The following ADAM9 variants were observed in gnomAD, a reference collection of about 807,000 sequenced individuals.
ADAM9 encodes the protein ADAM metallopeptidase domain 9, also known as disintegrin and metalloproteinase domain-containing protein 9.
Under a neutral mutation model 108.1 loss-of-function variants are expected in ADAM9, and 54 were observed. The observed-to-expected ratio is 0.50, with a 90% CI of 0.40 to 0.63. ADAM9 has a LOEUF of 0.63. ADAM9 is among the 20% of genes least tolerant of loss of function. The pLI, the probability that ADAM9 is intolerant of heterozygous loss-of-function variation, is 0.00. For missense variants in ADAM9, 830 were observed against 997.7 expected (o/e 0.83, Z 2.26); for synonymous variants, 316 against 336.0 (o/e 0.94, Z 0.65).
rs1391921716 is a variant in ADAM9 at position 39,101,917 on chromosome 8, C to T, written c.2353C>T (p.Gln785Ter). The T allele has an allele frequency of 6.2e-7, 1 of 1,613,532 alleles. No individual in the cohort carries two copies. The highest frequency in any genetic ancestry group is 8.5e-7 in the Non-Finnish European group (1 of 1,179,720). The change falls in exon 21 of 22, where the codon CAG becomes TAG. Residue 785 changes from glutamine to a stop codon, truncating the protein, a stop_gained. Coordinates refer to ENST00000487273, the MANE Select transcript of ADAM9 (RefSeq NM_003816.3). LOFTEE classifies it high-confidence loss of function. ...VPTYAAKQPQQFPSRPPPPQP... is the reference protein window; with the variant it reads ...VPTYAAKQPQ ...AACCTATGCAGCCAAGCAACCTCAG[C>T]AGTTCCCATCAAGGTCAGAAGAAAA...
At chr8:39,066,616 A>T (rs371919521) in intron 14 of ADAM9, among the ~76,000 whole-genome samples, 13 of 152,012 alleles carry the variant, frequency 8.6e-5, no homozygotes, top group East Asian at 5.8e-4. Flanking sequence ...TTTTGTTGTA[A>T]ATTTGTTTGA....
chr8:39,077,257 A>G lies in ADAM9; in HGVS notation c.1727A>G (p.Glu576Gly), dbSNP rs1330953005. The G allele has an allele frequency of 1.9e-6, 3 of 1,613,944 alleles. No individual in the cohort carries two copies. The highest frequency in any genetic ancestry group is 2.5e-6 in the Non-Finnish European group (3 of 1,179,958). ...GNALCGKLQC[E>G]NVQEIPVFGI... The stretch of plus-strand genomic sequence containing the variant: ...GCTTTGTGTGGAAAGCTTCAGTGTG[A>G]GAATGTACAAGAGATACCTGTATTT... Residue 576 changes from glutamate (E) to glycine (G), a missense_variant, in exon 16 of 22, where the codon GAG becomes GGG. Glu to Gly is a moderately conservative substitution (Grantham distance 98). Around this residue, in one of 3 missense-constraint regions of ADAM9, gnomAD observed 381 missense variants for 539.8 expected, o/e 0.71. Transcript: ENST00000487273.
At chr8:39,070,288 C>T (rs1838642323) in intron 14 of ADAM9, among the ~76,000 whole-genome samples, 1 of 151,882 alleles carries the variant, frequency 6.6e-6, no homozygotes, top group Admixed American at 6.6e-5. Context: ...TTTAAACAGT[C>T]AACAGTGTTA....
At chr8:39,051,956 A>G (rs1837972407) in intron 12 of ADAM9, among the ~76,000 whole-genome samples, 1 of 152,162 alleles carries the variant, frequency 6.6e-6, no homozygotes, top group Non-Finnish European at 1.5e-5. Flanking sequence ...ATGTGTATAT[A>G]TACAGATATA....
intron 11 of ADAM9, among the ~76,000 whole-genome samples, chr8:39,037,192 G>C (rs1588364158): frequency 1.3e-5 from 2 of 149,192 alleles, no homozygotes; most frequent in Admixed American, 1.3e-4. Context: ...TGAGTAGCTG[G>C]GACTACAGGC....
chr8:39,024,488 G>A (rs564247781), intron 9 of ADAM9, among the ~76,000 whole-genome samples: 33 of 152,240 alleles, frequency 2.2e-4, no homozygotes, highest in Non-Finnish European at 3.8e-4. Flanking sequence ...ATGGGGTCCC[G>A]AAAACCTTTT....
At chr8:39,092,010 G>A (rs1441305687) in intron 20 of ADAM9, among the ~76,000 whole-genome samples, 2 of 152,016 alleles carry the variant, frequency 1.3e-5, no homozygotes, top group South Asian at 2.1e-4. Flanking sequence ...CTCTTGGATC[G>A]GCCTAATTGT....
At chr8:39,094,414 G>A (rs1267251351) in intron 20 of ADAM9, among the ~76,000 whole-genome samples, 3 of 152,102 alleles carry the variant, frequency 2.0e-5, no homozygotes, top group African/African-American at 4.8e-5. Context: ...TCTGGCTTTG[G>A]TTTCAGGGTA....
At chr8:39,053,466 T>C (rs1349896346) in intron 12 of ADAM9, among the ~76,000 whole-genome samples, 2 of 152,326 alleles carry the variant, frequency 1.3e-5, no homozygotes, top group Middle Eastern at 3.4e-3. Flanking sequence ...CCATGATGCA[T>C]TTTGACTTTT....
At chr8:39,076,767 G>T (rs1354458405) in intron 15 of ADAM9, among the ~76,000 whole-genome samples, 1 of 152,158 alleles carries the variant, frequency 6.6e-6, no homozygotes, top group Non-Finnish European at 1.5e-5. Flanking sequence ...AAGTAACCAA[G>T]AGTTAGCCAG....
At chr8:39,075,105 C>T (rs1291984665) in intron 15 of ADAM9, among the ~76,000 whole-genome samples, 1 of 151,812 alleles carries the variant, frequency 6.6e-6, no homozygotes, top group Non-Finnish European at 1.5e-5. Flanking sequence ...TGGGGTTTCC[C>T]TATGTTGGCC....
At chr8:39,089,411 T>C (rs368728182) in intron 18 of ADAM9, among the ~76,000 whole-genome samples, 4 of 152,272 alleles carry the variant, frequency 2.6e-5, no homozygotes, top group Non-Finnish European at 4.4e-5. Flanking sequence ...AATATTCTTA[T>C]AAATTGTAAC....
At chr8:39,083,272 A>G (rs1839078757) in intron 18 of ADAM9, among the ~76,000 whole-genome samples, 199 bp downstream of exon 18, 1 of 152,178 alleles carries the variant, frequency 6.6e-6, no homozygotes, top group Non-Finnish European at 1.5e-5. Flanking sequence ...CATACATCAT[A>G]GCCTCTTATG....
intron 14 of ADAM9, 124 bp downstream of exon 14, chr8:39,055,896 TTTC>T (rs1399622528): frequency 9.2e-5 from 96 of 1,046,640 alleles, no homozygotes; most frequent in Non-Finnish European, 1.2e-4. Flanking sequence ...TCGTATTTCC[TTTC>T]TTCTTTGGAG....
intron 12 of ADAM9, among the ~76,000 whole-genome samples, chr8:39,050,757 G>T (rs899845871): frequency 6.6e-6 from 1 of 151,756 alleles, no homozygotes; most frequent in Non-Finnish European, 1.5e-5. Flanking sequence ...AATTTGTTGG[G>T]CAATCCCTAG....
intron 14 of ADAM9, among the ~76,000 whole-genome samples, chr8:39,057,267 G>T (rs972866783): frequency 2.0e-5 from 3 of 151,424 alleles, no homozygotes; most frequent in Non-Finnish European, 4.4e-5. Context: ...TATCCCTGTT[G>T]TTAAGTGACA....
intron 4 of ADAM9, chr8:39,014,442 A>G (rs773519298): frequency 1.6e-6 from 1 of 636,026 alleles, no homozygotes; most frequent in Admixed American, 2.7e-5. Context: ...ATTTGATGTT[A>G]TGTGTTCTAA....
At chr8:39,082,398 TAGTTTTATCTTTGTTTTTGGTCTTTA>T (rs1216035469) in intron 16 of ADAM9, among the ~76,000 whole-genome samples, 1 of 152,168 alleles carries the variant, frequency 6.6e-6, no homozygotes, top group African/African-American at 2.4e-5. Flanking sequence ...GGATAGATAA[TAGTTTTATCTTTGTTTTTGGTCTTTA>T]TGTCATCTTT....
At chr8:39,051,102 A>G (rs951846460) in intron 12 of ADAM9, among the ~76,000 whole-genome samples, 16 of 151,992 alleles carry the variant, frequency 1.1e-4, no homozygotes, top group Non-Finnish European at 1.9e-4. Context: ...TTAACCTACT[A>G]CCTTTGTTCT....
Sources: allele counts gnomAD v4.1 joint callset (sites outside exome capture counted in the v4.1 genomes callset), GRCh38; gene constraint gnomAD v4.1.1; regional missense constraint gnomAD v4.1.1; transcripts MANE v1.5; gene names NCBI Gene and HGNC (gene_info 2026-07-23, HGNC 2026-07-21).